PCDH9: variants seen among roughly 807,000 people sequenced by gnomAD.
PCDH9 encodes the protein protocadherin 9, also known as protocadherin-9.
Under a neutral mutation model 70.6 loss-of-function variants are expected in PCDH9, and 24 were observed. The ratio of observed to expected loss-of-function variants is 0.34; its 90% CI spans 0.25 to 0.48. PCDH9 has a LOEUF of 0.48. PCDH9 is among the 20% of genes least tolerant of loss of function. The pLI, the probability that PCDH9 is intolerant of heterozygous loss-of-function variation, is 0.99. For missense variants in PCDH9, 1,281 were observed against 1,503.6 expected (o/e 0.85, Z 2.45); for synonymous variants, 562 against 558.5 (o/e 1.01, Z -0.09).
chr13:67,181,762 TA>T (rs1225397571), intron 2 of PCDH9, among the ~76,000 whole-genome samples: 9 of 150,878 alleles, frequency 6.0e-5, no homozygotes, highest in Admixed American at 1.3e-4. Flanking sequence ...AATTAGGCCA[TA>T]AAAAAAAACA....
intron 2 of PCDH9, among the ~76,000 whole-genome samples, chr13:67,044,226 C>A (rs922471085): frequency 6.6e-6 from 1 of 151,884 alleles, no homozygotes; most frequent in Non-Finnish European, 1.5e-5. Flanking sequence ...TATCCTGAAC[C>A]TTTGTTCAAT....
intron 3 of PCDH9, among the ~76,000 whole-genome samples, chr13:66,698,005 A>T (rs1169336628): frequency 1.3e-5 from 2 of 152,234 alleles, no homozygotes; most frequent in Middle Eastern, 3.2e-3. Context: ...TTATTATGCT[A>T]AGTGAAAAAA....
intron 2 of PCDH9, among the ~76,000 whole-genome samples, chr13:66,924,621 T>C (rs1292742147): frequency 6.8e-6 from 1 of 147,854 alleles, no homozygotes; most frequent in Non-Finnish European, 1.5e-5. Context: ...AATCTGCAAA[T>C]GTATATAATC....
intron 2 of PCDH9, among the ~76,000 whole-genome samples, chr13:66,992,902 T>TAAAAAAAAAGAAAAA (rs2084032925): frequency 7.2e-6 from 1 of 139,040 alleles, no homozygotes; most frequent in Non-Finnish European, 1.5e-5. Context: ...CTCTGACTCC[T>TAAAAAAAAAGAAAAA]AAAAAAAAAA....
intron 4 of PCDH9, among the ~76,000 whole-genome samples, chr13:66,543,017 A>C (rs1291316546): frequency 5.3e-5 from 8 of 151,750 alleles, no homozygotes; most frequent in Non-Finnish European, 1.0e-4. Flanking sequence ...CCTTAGAAGA[A>C]ATATACAAAT....
intron 3 of PCDH9, among the ~76,000 whole-genome samples, chr13:66,762,666 G>T (rs1281911220): frequency 2.6e-5 from 4 of 151,950 alleles, no homozygotes; most frequent in Non-Finnish European, 5.9e-5. Context: ...TGTTCAAATT[G>T]ATGTTTTGGT....
At chr13:66,720,166 T>C (rs1450043041) in intron 3 of PCDH9, among the ~76,000 whole-genome samples, 1 of 151,948 alleles carries the variant, frequency 6.6e-6, no homozygotes, top group Admixed American at 6.6e-5. Flanking sequence ...TTTTTATTTT[T>C]TTTTGACACA....
intron 4 of PCDH9, among the ~76,000 whole-genome samples, chr13:66,533,382 AT>A (rs34218260): frequency 0.23 from 34,300 of 151,396 alleles, 4,412 homozygotes; most frequent in South Asian, 0.34. Context: ...CTCATGGTTG[AT>A]TTTTTTTTAG....
intron 2 of PCDH9, among the ~76,000 whole-genome samples, chr13:66,968,771 T>C (rs1490345301): frequency 1.3e-5 from 2 of 152,024 alleles, no homozygotes; most frequent in African/African-American, 4.8e-5. Flanking sequence ...ATCCACATAT[T>C]ACCAAATTTG....
chr13:66,956,611 C>A (rs1054875529), intron 2 of PCDH9, among the ~76,000 whole-genome samples: 1 of 152,012 alleles, frequency 6.6e-6, no homozygotes, highest in Non-Finnish European at 1.5e-5. Context: ...ATTAGCCGAC[C>A]GTGGTGGCAC....
chr13:66,495,579 T>C (rs1959103416), intron 4 of PCDH9, among the ~76,000 whole-genome samples: 2 of 151,980 alleles, frequency 1.3e-5, no homozygotes, highest in South Asian at 2.1e-4. Flanking sequence ...GCAAAATAAA[T>C]ACATACATAC....
At chr13:66,948,810 G>A (rs1379064934) in intron 2 of PCDH9, among the ~76,000 whole-genome samples, 1 of 152,038 alleles carries the variant, frequency 6.6e-6, no homozygotes, top group Admixed American at 6.6e-5. Context: ...TTCATTACAA[G>A]AATATATTTG....
At chr13:67,215,177 G>T (rs1430068990) in intron 2 of PCDH9, 1 of 150,962 alleles carries the variant, frequency 6.6e-6, no homozygotes, top group Non-Finnish European at 1.5e-5. Context: ...GAATTAAATA[G>T]GCCAAATAAT....
Position 66,789,444 on chromosome 13 carries a change from T to A in PCDH9, c.3138+114060A>T, listed in dbSNP as rs144559585. On this transcript the variant is annotated intron_variant, in intron 3 of 4. Coordinates refer to ENST00000377865, the MANE Select transcript of PCDH9 (RefSeq NM_203487.3). ...AATTGGACAAACTTAAAATTTTACC[T>A]CCAGCTCATCAAAAGAGTCTCTATA... Among the ~76,000 whole-genome samples, 1,107 of 152,278 alleles carry A rather than the reference T, an allele frequency of 7.3e-3. 17 individuals carry two copies. The highest frequency in any genetic ancestry group is 0.025 in the African/African-American group (1,025 of 41,550).
chr13:66,801,796 C>G (rs745569359), intron 3 of PCDH9, among the ~76,000 whole-genome samples: 1 of 151,936 alleles, frequency 6.6e-6, no homozygotes, highest in Admixed American at 6.6e-5. Flanking sequence ...GGAGAGTAAT[C>G]TTGTGGCTTT....
At chr13:66,966,439 A>G (rs923458997) in intron 2 of PCDH9, among the ~76,000 whole-genome samples, 4 of 152,074 alleles carry the variant, frequency 2.6e-5, no homozygotes, top group African/African-American at 9.7e-5. Flanking sequence ...TCAGCATGCT[A>G]CTCTGTATGG....
chr13:66,315,344 T>C (rs1026877569), intron 4 of PCDH9, among the ~76,000 whole-genome samples: 1 of 152,192 alleles, frequency 6.6e-6, no homozygotes, highest in Non-Finnish European at 1.5e-5. Context: ...ACTGAGACAA[T>C]AAATTTGTGT....
intron 3 of PCDH9, among the ~76,000 whole-genome samples, chr13:66,728,082 C>T (rs1430075737): frequency 6.6e-6 from 1 of 152,062 alleles, no homozygotes; most frequent in African/African-American, 2.4e-5. Context: ...AAAAAATAAA[C>T]ATAATCTCTA....
At chr13:66,995,870 A>G (rs1337403869) in intron 2 of PCDH9, among the ~76,000 whole-genome samples, 1 of 152,224 alleles carries the variant, frequency 6.6e-6, no homozygotes, top group Non-Finnish European at 1.5e-5. Flanking sequence ...TGAAGAAAAC[A>G]ATAATTTACT....
Sources: allele counts gnomAD v4.1 joint callset (sites outside exome capture counted in the v4.1 genomes callset), GRCh38; gene constraint gnomAD v4.1.1; transcripts MANE v1.5; gene names NCBI Gene and HGNC (gene_info 2026-07-23, HGNC 2026-07-21).